The following DCT variants were observed in gnomAD, a reference collection of about 807,000 sequenced individuals.
DCT encodes the protein L-dopachrome tautomerase.
DCT carries 47 observed loss-of-function variants against 53.0 expected under a neutral mutation model. The observed-to-expected ratio is 0.89, with a 90% confidence interval of 0.70 to 1.13. The LOEUF (loss-of-function observed/expected upper bound fraction) is 1.13. Among genes scored for constraint, DCT ranks in the 50% most tolerant of loss-of-function variants. DCT has a pLI of 0.00. For missense variants in DCT, 669 were observed against 637.4 expected (o/e 1.05, Z -0.53); for synonymous variants, 244 against 237.0 (o/e 1.03, Z -0.27).
At chr13:94,465,971 TATATATATATATATATATATATATA>T (rs1884176008) in intron 3 of DCT, among the ~76,000 whole-genome samples, 172 bp from the exon 4 acceptor site, 2 of 2,590 alleles carry the variant, frequency 7.7e-4, no homozygotes, top group East Asian at 0.011. Flanking sequence ...GTATATTTTA[TATATATATATATATATATATATATA>T]TATATATATA....
chr13:94,445,952 C>T (rs553236530), intron 6 of DCT, among the ~76,000 whole-genome samples: 3 of 152,190 alleles, frequency 2.0e-5, no homozygotes, highest in Admixed American at 6.6e-5. Flanking sequence ...GATGCCACCC[C>T]CTTTTCCTGG....
At chr13:94,441,509 C>G (rs1882311194) in intron 7 of DCT, among the ~76,000 whole-genome samples, 1 of 152,146 alleles carries the variant, frequency 6.6e-6, no homozygotes, top group South Asian at 2.1e-4. Context: ...GCCCACCAAA[C>G]AGTAACTCCC....
chr13:94,457,921 G>A (rs928106413), intron 6 of DCT, among the ~76,000 whole-genome samples: 3 of 152,060 alleles, frequency 2.0e-5, no homozygotes, highest in African/African-American at 7.2e-5. Flanking sequence ...CGCTATCAAC[G>A]AGGACTTGAT....
At chr13:94,518,759 T>C in the DCT span, among the ~76,000 whole-genome samples, 1 of 152,346 alleles carries the variant, frequency 6.6e-6, no homozygotes, top group South Asian at 2.1e-4. Context: ...TCATTTTGGC[T>C]CTCTGCTTAA....
chr13:94,490,215 C>T, the DCT span, among the ~76,000 whole-genome samples: 35 of 152,104 alleles, frequency 2.3e-4, no homozygotes, highest in African/African-American at 8.5e-4. Flanking sequence ...CAAAAACCAA[C>T]TAACCAAAGC....
rs759177137 is a variant in DCT, at chr13:94,443,535, G to A, written c.1282C>T (p.Arg428Trp). The change falls in exon 7 of 8, where the codon CGG becomes TGG. Residue 428 changes from arginine (R) to tryptophan (W), a missense_variant. By Grantham distance (101) the Arg-to-Trp change is moderately radical. Transcript: ENST00000377028. ...AAGAAAGGAACCATGTTGTACATCC[G>A]ATTGTGACCAATAGGGGCCAGCTCC... ...PQELAPIGHN[R>W]MYNMVPFFPP... 1.2e-5 allele frequency: 19 copies of A among 1,613,360 alleles called. No homozygotes were observed. Among genetic ancestry groups the A allele is most frequent in the African/African-American group, 4.0e-5 (3 of 74,916 alleles).
intron 6 of DCT, among the ~76,000 whole-genome samples, chr13:94,446,737 C>T (rs981991170): frequency 6.6e-6 from 1 of 152,116 alleles, no homozygotes; most frequent in Non-Finnish European, 1.5e-5. Context: ...AAATCTGTTC[C>T]AGACCTCACT....
At chr13:94,547,218 C>T in the DCT span, among the ~76,000 whole-genome samples, 9 of 151,964 alleles carry the variant, frequency 5.9e-5, no homozygotes, top group East Asian at 1.9e-4. Flanking sequence ...CCCTGTTCAA[C>T]GGATTCTCCT....
At chr13:94,516,992 T>C in the DCT span, among the ~76,000 whole-genome samples, 1 of 152,312 alleles carries the variant, frequency 6.6e-6, no homozygotes, top group Middle Eastern at 3.4e-3. Context: ...AAGCGTGTTC[T>C]AAGAAACAAG....
intron 1 of DCT, among the ~76,000 whole-genome samples, chr13:94,469,676 G>C (rs559895585): frequency 6.6e-6 from 1 of 152,158 alleles, no homozygotes; most frequent in Non-Finnish European, 1.5e-5. Flanking sequence ...GATCGCAGGC[G>C]TGTCTCCTCC....
At chr13:94,537,165 C>T in the DCT span, among the ~76,000 whole-genome samples, 1 of 152,186 alleles carries the variant, frequency 6.6e-6, no homozygotes, top group African/African-American at 2.4e-5. Context: ...TAAAATGTTT[C>T]CATTATTAGG....
At chr13:94,444,569 G>C (rs1882595829) in intron 6 of DCT, 1 of 332,130 alleles carries the variant, frequency 3.0e-6, no homozygotes. Flanking sequence ...CCCTGATTTT[G>C]TAACATGATA....
At chr13:94,460,747 G>A (rs1883728159) in intron 5 of DCT, among the ~76,000 whole-genome samples, 2 of 151,870 alleles carry the variant, frequency 1.3e-5, no homozygotes, top group South Asian at 2.1e-4. Flanking sequence ...GTGACACAGT[G>A]AGATCCTGGC....
chr13:94,512,055 TC>T, the DCT span, among the ~76,000 whole-genome samples: 2 of 152,146 alleles, frequency 1.3e-5, no homozygotes, highest in Admixed American at 6.5e-5. Flanking sequence ...CTTTGTCTAC[TC>T]CCACTAGACC....
At chr13:94,525,648 T>C in the DCT span, among the ~76,000 whole-genome samples, 6 of 152,212 alleles carry the variant, frequency 3.9e-5, no homozygotes, top group Non-Finnish European at 1.5e-5. Flanking sequence ...AACGCAACTC[T>C]TGAGGCCTCT....
At chr13:94,541,438 A>T in the DCT span, among the ~76,000 whole-genome samples, 1 of 151,774 alleles carries the variant, frequency 6.6e-6, no homozygotes, top group Non-Finnish European at 1.5e-5. Flanking sequence ...CAAGAGGCAG[A>T]GGTTGCAGTG....
the DCT span, among the ~76,000 whole-genome samples, chr13:94,490,373 T>C: frequency 0.59 from 89,948 of 151,174 alleles, 26,973 homozygotes; most frequent in Middle Eastern, 0.69. Flanking sequence ...GGCATGGTGG[T>C]GCATGCCCAT....
chr13:94,528,053 A>G, the DCT span, among the ~76,000 whole-genome samples: 6 of 152,206 alleles, frequency 3.9e-5, no homozygotes, highest in African/African-American at 1.4e-4. Context: ...TTGAATATCA[A>G]ATTAGTGAAA....
intron 1 of DCT, among the ~76,000 whole-genome samples, chr13:94,471,150 C>T (rs1884622105): frequency 6.6e-6 from 1 of 152,090 alleles, no homozygotes; most frequent in Admixed American, 6.6e-5. Flanking sequence ...AATTTTCCAA[C>T]AGCATGAAAA....
Sources: gnomAD v4.1 joint callset for allele counts (sites outside exome capture counted in the v4.1 genomes callset) on GRCh38, gnomAD v4.1.1 for gene constraint, MANE v1.5 for transcripts, NCBI Gene and HGNC (gene_info 2026-07-23, HGNC 2026-07-21) for gene names.